The following CCT5 variants were observed in gnomAD, a reference collection of about 807,000 sequenced individuals.
The protein encoded by CCT5 is T-complex protein 1 subunit epsilon.
CCT5 carries 6 observed loss-of-function variants against 55.0 expected under a neutral mutation model. That is an observed-to-expected ratio of 0.11 (90% CI 0.06 to 0.22). The LOEUF is 0.22. CCT5 is among the 10% of genes least tolerant of loss of function. The pLI, the probability that CCT5 is intolerant of heterozygous loss-of-function variation, is 1.00. For missense variants in CCT5, 560 were observed against 694.6 expected (o/e 0.81, Z 2.18); for synonymous variants, 231 against 243.7 (o/e 0.95, Z 0.49).
chr5:10,256,056 A>G lies in CCT5; in HGVS notation c.433A>G (p.Ile145Val), dbSNP rs756876432. The change falls in exon 4 of 11, where the codon ATT becomes GTT. Residue 145 changes from isoleucine to valine, a missense_variant. By Grantham distance (29) the Ile-to-Val change is conservative. Around this residue, in one of 4 missense-constraint regions of CCT5, gnomAD observed 52 missense variants for 35.3 expected, o/e 1.47. Coordinates refer to ENST00000280326, the MANE Select transcript of CCT5 (RefSeq NM_012073.5). The part of the protein sequence containing the change: ...DGYEQAARVA[I>V]EHLDKISDSV... ...CTATGAGCAGGCTGCTCGTGTTGCT[A>G]TTGAACACCTGGACAAGATCAGCGA... 24 of 1,614,018 alleles carry G rather than the reference A, an allele frequency of 1.5e-5. No homozygotes were observed. Among genetic ancestry groups the G allele is most frequent in the Non-Finnish European group, 1.9e-5 (22 of 1,179,974 alleles).
At chr5:10,254,651 G>A in intron 2 of CCT5, 23 bp from the exon 3 acceptor site, 1 of 1,613,062 alleles carries the variant, frequency 6.2e-7, no homozygotes, top group Non-Finnish European at 8.5e-7. Context: ...TTTGCGCAAA[G>A]CCTACTAAAC....
chr5:10,254,270 C>T, intron 2 of CCT5, 65 bp downstream of exon 2: 3 of 1,152,540 alleles, frequency 2.6e-6, no homozygotes, highest in South Asian at 1.2e-5. Context: ...CAATATAAAC[C>T]TCTCTACAGA....
At chr5:10,264,188 T>C (rs1465629864) in intron 10 of CCT5, among the ~76,000 whole-genome samples, 2 of 152,190 alleles carry the variant, frequency 1.3e-5, no homozygotes, top group African/African-American at 4.8e-5. Flanking sequence ...GGCAGGAGAA[T>C]CGCTTGAACC....
chr5:10,257,876 G>T (rs776433154), intron 4 of CCT5: 2 of 568,108 alleles, frequency 3.5e-6, no homozygotes, highest in Non-Finnish European at 6.3e-6. Flanking sequence ...CAGAGTTAGC[G>T]AAAATAAAGA....
intron 1 of CCT5, among the ~76,000 whole-genome samples, chr5:10,253,385 A>G (rs1263618808): frequency 6.6e-6 from 1 of 151,310 alleles, no homozygotes; most frequent in African/African-American, 2.4e-5. Context: ...TTGGGATTTC[A>G]GGTGGGTGGA....
intron 1 of CCT5, chr5:10,250,883 C>G: frequency 9.6e-7 from 1 of 1,043,342 alleles, no homozygotes; most frequent in Non-Finnish European, 1.2e-6. Flanking sequence ...TTTTCTTTGT[C>G]ACTCGTAAAG....
chr5:10,264,337 AC>A (rs1746122463), intron 10 of CCT5, among the ~76,000 whole-genome samples: 2 of 152,154 alleles, frequency 1.3e-5, no homozygotes, highest in African/African-American at 2.4e-5. Context: ...AGATGGACTT[AC>A]TTTAGATTTC....
Position 10,261,091 on chromosome 5 carries a change from G to T in CCT5, c.993+180G>T. 4.2e-6 allele frequency: 3 copies of T among 711,256 alleles called. No individual in the cohort carries two copies. The South Asian group carries it at 4.5e-5, about 11-fold the overall frequency. The allele number at this position is 711,256 out of a possible 1,614,324, so 44.1% of individuals were successfully genotyped here. On this transcript the variant is annotated intron_variant, in intron 7 of 10. Coordinates refer to ENST00000280326, the MANE Select transcript of CCT5 (RefSeq NM_012073.5). ...GTTACTGTTTGGATAACAGTGCTGT[G>T]TGTTTCTGGTGTTCCCTGGCATTTT...
At chr5:10,254,900 C>A in intron 3 of CCT5, 62 bp downstream of exon 3, 1 of 1,379,308 alleles carries the variant, frequency 7.3e-7, no homozygotes, top group Non-Finnish European at 1.0e-6. Flanking sequence ...ACAGGGCTAA[C>A]ATGCCTGCTG....
Position 10,258,183 on chromosome 5 carries a change from G to C in CCT5, c.603G>C (p.Arg201=), listed in dbSNP as rs1462612931. 6.2e-7 allele frequency: 1 copy of C among 1,614,112 alleles called. No homozygotes were observed. Among genetic ancestry groups the C allele is most frequent in the East Asian group, 2.2e-5 (1 of 44,904 alleles). Residue 201 remains arginine, a synonymous_variant, in exon 5 of 11, where the codon CGG becomes CGC. Coordinates refer to ENST00000280326, the MANE Select transcript of CCT5 (RefSeq NM_012073.5). ...NAVLTVADME[R]RDVDFELIKV... ...TCCTCACTGTAGCAGATATGGAGCG[G>C]AGAGACGTTGACTTTGAGCTTATCA...
intron 3 of CCT5, 112 bp from the exon 4 acceptor site, chr5:10,255,843 G>A: frequency 1.1e-6 from 1 of 948,138 alleles, no homozygotes; most frequent in Non-Finnish European, 1.7e-6. Flanking sequence ...ATGACTTGCA[G>A]CTTAATTCTA....
Position 10,250,693 on chromosome 5 carries a change from G to A in CCT5, c.105+248G>A. On this transcript the variant is annotated intron_variant, in intron 1 of 10. Transcript: ENST00000280326. ...CCAGCGCCCTTCGGAGCTGGGTGGG[G>A]CCGCTCAGTCCGGTCGCCCGCGGGA... 3 of 1,374,988 alleles carry A rather than the reference G, an allele frequency of 2.2e-6. No homozygotes were observed. In the South Asian group the frequency reaches 4.8e-5, roughly 22 times the overall value. 85.2% of individuals were successfully genotyped at this position (1,374,988 alleles called of 1,614,324 possible).
chr5:10,250,846 G>T (rs1247650742), intron 1 of CCT5: 1 of 1,058,928 alleles, frequency 9.4e-7, no homozygotes, highest in Non-Finnish European at 1.1e-6. Context: ...TTAACCTTTC[G>T]CTGGTCCACC....
Position 10,265,817 on chromosome 5 carries a change from A to G in CCT5, c.*1034A>G, listed in dbSNP as rs1746204839. ...AATGATTCTCTAGATTTTCTAAAAT[A>G]ATGTTTCTTAGCATTGTGATGATAA... On this transcript the variant is annotated 3_prime_UTR_variant, in exon 11 of 11. Transcript: ENST00000280326. 1 of 152,130 alleles carries G rather than the reference A, an allele frequency of 6.6e-6. No individual in the cohort carries two copies. 9.4% of individuals were successfully genotyped at this position (152,130 alleles called of 1,614,324 possible). A position where few individuals can be genotyped will look rare whatever the true frequency, so the allele number is the denominator to read the frequency against.
At chr5:10,249,928 A>C (rs949466655), upstream of CCT5, 158 of 883,214 alleles carry the variant, frequency 1.8e-4, 1 homozygote, top group African/African-American at 3.0e-3. Context: ...AAAAAAAAAA[A>C]AAAAAACCGG....
intron 9 of CCT5, 30 bp from the exon 10 acceptor site, chr5:10,263,104 T>C: frequency 1.2e-6 from 2 of 1,607,586 alleles, no homozygotes; most frequent in Non-Finnish European, 1.7e-6. Flanking sequence ...TTTCGCCAAG[T>C]GCACTCACCA....
chr5:10,264,484 G>A, intron 10 of CCT5, 172 bp from the exon 11 acceptor site: 1 of 616,218 alleles, frequency 1.6e-6, no homozygotes, highest in Non-Finnish European at 2.9e-6. Flanking sequence ...TGGAAGTAAT[G>A]AAATTACATT....
chr5:10,251,586 T>C (rs1745420222), intron 1 of CCT5, among the ~76,000 whole-genome samples: 3 of 152,164 alleles, frequency 2.0e-5, no homozygotes, highest in Admixed American at 2.0e-4. Context: ...CTATGGACTC[T>C]TTGTTTGACT....
intron 1 of CCT5, among the ~76,000 whole-genome samples, chr5:10,253,368 A>G (rs771793438): frequency 6.6e-6 from 1 of 150,990 alleles, no homozygotes; most frequent in Middle Eastern, 3.5e-3. Flanking sequence ...ATCTATAAAT[A>G]TAATTATTGG....
Sources: allele counts gnomAD v4.1 joint callset (sites outside exome capture counted in the v4.1 genomes callset), GRCh38; gene constraint gnomAD v4.1.1; regional missense constraint gnomAD v4.1.1; transcripts MANE v1.5; gene names NCBI Gene and HGNC (gene_info 2026-07-23, HGNC 2026-07-21).